Variants in RERE observed in about 807,000 individuals in gnomAD.
The protein encoded by RERE is arginine-glutamic acid dipeptide repeats.
A neutral mutation model predicts 146.1 loss-of-function variants in RERE; 40 were observed. That is an observed-to-expected ratio of 0.27 (90% CI 0.21 to 0.36). The LOEUF (loss-of-function observed/expected upper bound fraction) is 0.36, where lower values mean the gene tolerates loss of function less well. Ranked by LOEUF, RERE falls within the 10% of genes least tolerant of loss-of-function variation. The pLI, the probability that RERE is intolerant of heterozygous loss-of-function variation, is 1.00. For synonymous variants in RERE, 1,003 were observed against 866.0 expected (o/e 1.16, Z -2.78); for missense variants, 1,933 against 2,138.7 (o/e 0.90, Z 1.90).
chr1:8,521,452 G>C (rs910989027), intron 7 of RERE, among the ~76,000 whole-genome samples: 7 of 151,972 alleles, frequency 4.6e-5, no homozygotes, highest in African/African-American at 1.7e-4. Context: ...GACCAACCCA[G>C]GCAACAAAGT....
At chr1:8,530,701 T>TTC (rs1645634723) in intron 7 of RERE, among the ~76,000 whole-genome samples, 1 of 142,940 alleles carries the variant, frequency 7.0e-6, no homozygotes, top group Non-Finnish European at 1.5e-5. Flanking sequence ...TTTTTTTTTT[T>TTC]TGAGACGGAG....
chr1:8,610,027 C>T (rs1646773166), intron 4 of RERE, among the ~76,000 whole-genome samples: 1 of 152,064 alleles, frequency 6.6e-6, no homozygotes, highest in African/African-American at 2.4e-5. Flanking sequence ...CCCCAGCCTC[C>T]CAAACTGCTG....
At chr1:8,631,189 A>G (rs1160034842) in intron 2 of RERE, among the ~76,000 whole-genome samples, 1 of 152,212 alleles carries the variant, frequency 6.6e-6, no homozygotes, top group East Asian at 1.9e-4. Flanking sequence ...AAATCTCCCA[A>G]TGTATTGAAA....
chr1:8,767,606 A>G (rs548432586), intron 1 of RERE, among the ~76,000 whole-genome samples: 13 of 147,954 alleles, frequency 8.8e-5, no homozygotes, highest in Non-Finnish European at 1.8e-4. Flanking sequence ...CCTTGTCTCA[A>G]AAAAAAAAAA....
At position 8,360,519 on chromosome 1, in the gene RERE, T is replaced by C. The variant is rs777781441; in HGVS notation, c.2988A>G (p.Pro996=). Residue 996 remains proline, a synonymous_variant, in exon 18 of 23, where the codon CCA becomes CCG. Transcript: ENST00000400908. ...PPLQLMPQSQ[P]LPSSPAQPPG... The stretch of plus-strand genomic sequence containing the variant: ...GGGGCTGGGCGGGCGAGGAGGGCAA[T>C]GGCTGGCTCTGAGGCATGAGTTGCA... 1 of 1,024,286 alleles carries C rather than the reference T, an allele frequency of 9.8e-7. No homozygotes were observed. The highest frequency in any genetic ancestry group is 1.2e-6 in the Non-Finnish European group (1 of 818,060). 63.4% of individuals were successfully genotyped at this position (1,024,286 alleles called of 1,614,324 possible).
intron 11 of RERE, among the ~76,000 whole-genome samples, chr1:8,451,441 C>CA (rs34495671): frequency 0.59 from 88,848 of 151,370 alleles, 26,657 homozygotes; most frequent in East Asian, 0.83. Flanking sequence ...CAAAAAAGAA[C>CA]AAAAAAAATA....
At chr1:8,647,676 T>TGTCC (rs1557455587) in intron 2 of RERE, among the ~76,000 whole-genome samples, 2 of 151,324 alleles carry the variant, frequency 1.3e-5, no homozygotes, top group African/African-American at 2.4e-5. Flanking sequence ...TGTGTGTGTG[T>TGTCC]GTCCCCTGGA....
chr1:8,651,726 GA>G (rs796750699), intron 2 of RERE, among the ~76,000 whole-genome samples: 2,510 of 104,732 alleles, frequency 0.024, 58 homozygotes, highest in African/African-American at 0.077. Flanking sequence ...TGTCTCAAAA[GA>G]AAAAAAAAAA....
rs1193650538 is a variant in RERE, at chr1:8,649,496, G to A, written c.325+6477C>T. On this transcript the variant is annotated intron_variant, in intron 2 of 22. Transcript: ENST00000400908. ...TGTAATCCCAGCAGTTTGGGAGGCCGAGGTGGGCAGATCACTTGAGGTCAG... is the reference window on the plus strand; with the variant it reads ...TGTAATCCCAGCAGTTTGGGAGGCCAAGGTGGGCAGATCACTTGAGGTCAG... Among the ~76,000 whole-genome samples, 4 of 152,112 alleles carry A rather than the reference G, an allele frequency of 2.6e-5. No homozygotes were observed. The East Asian group carries it at 5.8e-4, about 22-fold the overall frequency.
At chr1:8,605,495 G>A (rs937276814) in intron 4 of RERE, among the ~76,000 whole-genome samples, 29 of 151,966 alleles carry the variant, frequency 1.9e-4, no homozygotes, top group African/African-American at 7.0e-4. Flanking sequence ...GTAATCCCAG[G>A]GTGATTGGAT....
chr1:8,777,120 T>C (rs1641079267), intron 1 of RERE, among the ~76,000 whole-genome samples: 1 of 152,186 alleles, frequency 6.6e-6, no homozygotes, highest in Non-Finnish European at 1.5e-5. Flanking sequence ...CAATAAGCAC[T>C]TCACCTTTGA....
At chr1:8,812,603 G>A (rs1641834119) in intron 1 of RERE, among the ~76,000 whole-genome samples, 1 of 152,110 alleles carries the variant, frequency 6.6e-6, no homozygotes, top group Non-Finnish European at 1.5e-5. Context: ...CCGAGATCGT[G>A]CCATCGCACT....
intron 4 of RERE, among the ~76,000 whole-genome samples, chr1:8,564,860 GTGTGTGTGTGTATA>G (rs1233871772): frequency 3.5e-4 from 47 of 132,412 alleles, no homozygotes; most frequent in African/African-American, 1.4e-3. Flanking sequence ...GTGTGTGTGT[GTGTGTGTGTGTATA>G]TATATATATA....
At chr1:8,577,817 G>A (rs555278234) in intron 4 of RERE, among the ~76,000 whole-genome samples, 4 of 152,180 alleles carry the variant, frequency 2.6e-5, no homozygotes, top group Non-Finnish European at 5.9e-5. Flanking sequence ...AAGAGGAGCC[G>A]GGTGCAGTGG....
Position 8,709,284 on chromosome 1 carries a change from AT to A in RERE, c.-144-52844del, listed in dbSNP as rs200478647. ...TCTTGAAGCTCTTTTAGATTTTTTA[AT>A]TTTTTTTTTTCTTATATTGAGACAG... is the stretch of plus-strand genomic sequence containing the variant. On this transcript the variant is annotated intron_variant, in intron 1 of 22. Coordinates refer to ENST00000400908, the MANE Select transcript of RERE (RefSeq NM_001042681.2). Among the ~76,000 whole-genome samples, 161 of 148,812 alleles carry A rather than the reference AT, an allele frequency of 1.1e-3. 1 individual carries two copies. Among genetic ancestry groups the A allele is most frequent in the African/African-American group, 2.1e-3 (85 of 40,526 alleles).
At chr1:8,674,473 G>A (rs968193263) in intron 1 of RERE, among the ~76,000 whole-genome samples, 4 of 152,316 alleles carry the variant, frequency 2.6e-5, no homozygotes, top group East Asian at 1.9e-4. Flanking sequence ...AAGCAGGACT[G>A]AAGGAGGCAG....
intron 8 of RERE, among the ~76,000 whole-genome samples, chr1:8,500,561 A>C (rs995379142): frequency 1.9e-4 from 29 of 151,968 alleles, no homozygotes; most frequent in Non-Finnish European, 5.9e-5. Flanking sequence ...GGCTCGCTAC[A>C]ACCTCCACCT....
At position 8,664,747 on chromosome 1, in the gene RERE, C is replaced by T. The variant is rs116424386; in HGVS notation, c.-144-8306G>A. 2.6e-3 allele frequency among the ~76,000 whole-genome samples: 399 copies of T among 152,236 alleles called. 2 individuals carry two copies. Among genetic ancestry groups the T allele is most frequent in the African/African-American group, 9.1e-3 (379 of 41,524 alleles). On this transcript the variant is annotated intron_variant, in intron 1 of 22. Transcript: ENST00000400908. ...CTTATAAATTTCTCTCAAACTTATA[C>T]CTCCAAACACCTCCAACATCACAAA...
At chr1:8,632,364 C>G (rs1479939447) in intron 2 of RERE, among the ~76,000 whole-genome samples, 1 of 152,172 alleles carries the variant, frequency 6.6e-6, no homozygotes, top group Admixed American at 6.5e-5. Context: ...GCACTAGGAG[C>G]CTGGGCTTTA....
Sources: gnomAD v4.1 joint callset for allele counts (sites outside exome capture counted in the v4.1 genomes callset) on GRCh38, gnomAD v4.1.1 for gene constraint, MANE v1.5 for transcripts, NCBI Gene and HGNC (gene_info 2026-07-23, HGNC 2026-07-21) for gene names.